Variants in OSBPL2 observed in about 807,000 individuals in gnomAD.
OSBPL2 encodes the protein oxysterol-binding protein-related protein 2.
Under a neutral mutation model 58.4 loss-of-function variants are expected in OSBPL2, and 18 were observed. The observed-to-expected ratio is 0.31, with a 90% CI of 0.21 to 0.46. OSBPL2 has a LOEUF of 0.46. OSBPL2 is among the 20% of genes least tolerant of loss of function. The pLI is 1.00. For missense variants in OSBPL2, 461 were observed against 616.5 expected, an observed-to-expected ratio of 0.75 and a Z score of 2.67; for synonymous variants, 221 against 234.1, an observed-to-expected ratio of 0.94 and a Z score of 0.51.
intron 1 of OSBPL2, among the ~76,000 whole-genome samples, chr20:62,249,505 A>G (rs1980380563): frequency 1.3e-5 from 2 of 152,244 alleles, no homozygotes; most frequent in Non-Finnish European, 2.9e-5. Flanking sequence ...AACTTTCTGT[A>G]TATTCCTCAA....
Position 62,269,657 on chromosome 20 carries a change from C to T in OSBPL2, c.259-2468C>T, listed in dbSNP as rs1015126163. Reference sequence around the variant, plus strand: ...TCTAGTTTACCAGGCGTTTAGAGCACGGGAGGCTGTTGATCCTGGTCTGGA... The same window carrying T: ...TCTAGTTTACCAGGCGTTTAGAGCATGGGAGGCTGTTGATCCTGGTCTGGA... On this transcript the variant is annotated intron_variant, in intron 4 of 13. Coordinates refer to ENST00000313733, the MANE Select transcript of OSBPL2 (RefSeq NM_144498.4). This position sits in a 1 kb window ranked among gnomAD's most constrained non-coding sequence, Gnocchi z 4.2. Among the ~76,000 whole-genome samples the T allele has an allele frequency of 1.4e-4, 22 of 152,316 alleles. No homozygotes were observed. Among genetic ancestry groups the T allele is most frequent in the African/African-American group, 4.6e-4 (19 of 41,568 alleles).
At position 62,272,030 on chromosome 20, in the gene OSBPL2, C is replaced by T. The variant is rs2297594; in HGVS notation, c.259-95C>T. The T allele has an allele frequency of 0.093, 136,055 of 1,455,326 alleles. 7,106 individuals carry two copies. The highest frequency in any genetic ancestry group is 0.21 in the East Asian group (9,099 of 43,648). The allele number at this position is 1,455,326 out of a possible 1,614,324, so 90.2% of individuals were successfully genotyped here. On this transcript the variant is annotated intron_variant, in intron 4 of 13. Transcript: ENST00000313733. The stretch of plus-strand genomic sequence containing the variant: ...AGATCCGGTTCAACCCCAGAGGCTG[C>T]GGCTCCATGAAGGGATGCTCAGAGC...
chr20:62,265,596 C>T (rs569648778), intron 4 of OSBPL2, among the ~76,000 whole-genome samples: 1 of 152,308 alleles, frequency 6.6e-6, no homozygotes, highest in African/African-American at 2.4e-5. Flanking sequence ...GCCCTCTCAG[C>T]AGACAGCACT....
Position 62,263,778 on chromosome 20 carries a change from G to T in OSBPL2, c.258+87G>T, listed in dbSNP as rs774307798. On this transcript the variant is annotated intron_variant, in intron 4 of 13. Transcript: ENST00000313733. ...CAGTGCTGGTGGTTTAAGAAAATGC[G>T]CTCTTGGCCGGGCGCGGTGGCTCAC... is the stretch of plus-strand genomic sequence containing the variant. 32 of 1,251,552 alleles carry T rather than the reference G, an allele frequency of 2.6e-5. 1 individual carries two copies. The South Asian group carries it at 3.1e-4, about 12-fold the overall frequency. 77.5% of individuals were successfully genotyped at this position (1,251,552 alleles called of 1,614,324 possible).
In OSBPL2 at chr20:62,291,764, G is replaced by C; in HGVS notation, c.1311G>C (p.Arg437=). 6.2e-7 allele frequency: 1 copy of C among 1,613,368 alleles called. No homozygotes were observed. The highest frequency in any genetic ancestry group is 8.5e-7 in the Non-Finnish European group (1 of 1,179,986). The change falls in exon 13 of 14, where the codon CGG becomes CGC. Residue 437 remains arginine (R), a synonymous_variant. Coordinates refer to ENST00000313733, the MANE Select transcript of OSBPL2 (RefSeq NM_144498.4). ...EEKQREARRE[R]AKEEAEWQTR... Reference sequence around the variant, plus strand: ...AGCAGAGAGAAGCACGGAGGGAGCGGGCCAAGGAGGAGGCAGAGTGGCAGA... The same window carrying C: ...AGCAGAGAGAAGCACGGAGGGAGCGCGCCAAGGAGGAGGCAGAGTGGCAGA...
At chr20:62,277,003 C>G (rs143555293) in intron 6 of OSBPL2, among the ~76,000 whole-genome samples, 2,747 of 151,464 alleles carry the variant, frequency 0.018, 41 homozygotes, top group Middle Eastern at 0.031. Flanking sequence ...AATCCCAGCA[C>G]TTTGAGAGGT....
intron 1 of OSBPL2, among the ~76,000 whole-genome samples, chr20:62,246,192 G>T (rs1980102921): frequency 6.6e-6 from 1 of 152,270 alleles, no homozygotes; most frequent in Non-Finnish European, 1.5e-5. Flanking sequence ...GGCAGGGCAT[G>T]GTCCCATGAT....
At position 62,256,325 on chromosome 20, in the gene OSBPL2, G is replaced by A. The variant is rs1298143710; in HGVS notation, c.37+104G>A. On this transcript the variant is annotated intron_variant, in intron 2 of 13. Transcript: ENST00000313733. ...GGGTGTAAAGATGCTCAGTAAAGCA[G>A]TGTGTGGGTGAGCGTTCACGATCCC... 4 of 985,438 alleles carry A rather than the reference G, an allele frequency of 4.1e-6. No homozygotes were observed. The Admixed American group carries it at 9.3e-5, about 23-fold the overall frequency. 61.0% of individuals were successfully genotyped at this position (985,438 alleles called of 1,614,324 possible).
intron 9 of OSBPL2, among the ~76,000 whole-genome samples, chr20:62,283,308 C>A (rs938439251): frequency 4.6e-5 from 7 of 152,166 alleles, no homozygotes; most frequent in African/African-American, 1.7e-4. Context: ...CCCAGTTCCC[C>A]GCGTCTGTGT....
chr20:62,261,959 G>A (rs1412696111), intron 3 of OSBPL2, among the ~76,000 whole-genome samples: 3 of 152,044 alleles, frequency 2.0e-5, no homozygotes, highest in African/African-American at 2.4e-5. Flanking sequence ...GGGTTCCGCC[G>A]TGTTGGCCAG....
chr20:62,255,910 A>G (rs780433130), intron 1 of OSBPL2, 147 bp from the exon 2 acceptor site: 38 of 390,252 alleles, frequency 9.7e-5, no homozygotes, highest in Non-Finnish European at 1.6e-4. Context: ...ACTTTTTGAA[A>G]TTATGTTTGT....
rs561853059 is a variant in OSBPL2 at position 62,244,028 on chromosome 20, A to G, written c.-129+5431A>G. 2.0e-5 allele frequency among the ~76,000 whole-genome samples: 3 copies of G among 152,154 alleles called. No individual in the cohort carries two copies. The East Asian group carries it at 5.8e-4, about 30-fold the overall frequency. On this transcript the variant is annotated intron_variant, in intron 1 of 13. Transcript: ENST00000313733. ...ACAGTGGACCCCATTAGGGCTGCAC[A>G]GGATGAAGATGGGCACGATGGTGAG...
chr20:62,292,459 G>A (rs1188900210), intron 13 of OSBPL2, among the ~76,000 whole-genome samples: 1 of 152,206 alleles, frequency 6.6e-6, no homozygotes, highest in Non-Finnish European at 1.5e-5. Context: ...GGGCTGCGTG[G>A]GCCTCACAGA....
In OSBPL2 at chr20:62,279,427, G is replaced by A. The variant is rs1982634191; in HGVS notation, c.674+88G>A. On this transcript the variant is annotated intron_variant, in intron 7 of 13. Coordinates refer to ENST00000313733, the MANE Select transcript of OSBPL2 (RefSeq NM_144498.4). ...TGTGGAGGGAAAGCTTCCTTCAGGA[G>A]GAAACCCTGTCATTTTTCTCCTGAG... is the stretch of plus-strand genomic sequence containing the variant. 16 of 1,359,154 alleles carry A rather than the reference G, an allele frequency of 1.2e-5. No homozygotes were observed. In the East Asian group the frequency reaches 3.9e-4, roughly 33 times the overall value. The allele number at this position is 1,359,154 out of a possible 1,614,324, so 84.2% of individuals were successfully genotyped here. A position where few individuals can be genotyped will look rare whatever the true frequency, so the allele number is the denominator to read the frequency against.
intron 4 of OSBPL2, among the ~76,000 whole-genome samples, chr20:62,266,366 T>A (rs1316721820): frequency 1.3e-5 from 2 of 152,212 alleles, no homozygotes; most frequent in Non-Finnish European, 2.9e-5. Context: ...CTCTTTTTAC[T>A]ACTTCTCAGC....
chr20:62,264,986 G>T (rs542827177), intron 4 of OSBPL2, among the ~76,000 whole-genome samples: 7 of 152,300 alleles, frequency 4.6e-5, no homozygotes, highest in Non-Finnish European at 8.8e-5. Flanking sequence ...TGTGATAGCC[G>T]CATGTCTTGT....
In OSBPL2 at chr20:62,256,222, G is replaced by A; in HGVS notation, c.37+1G>A. ...GAAGAATTCTTTGATGCCGTCACAG[G>A]TGAGTCAAAAGAGAACCAACTGGGG... On this transcript the variant is annotated splice_donor_variant, in intron 2 of 13. Coordinates refer to ENST00000313733, the MANE Select transcript of OSBPL2 (RefSeq NM_144498.4). LOFTEE classifies it high-confidence loss of function. The A allele has an allele frequency of 6.2e-7, 1 of 1,613,670 alleles. No homozygotes were observed.
In OSBPL2 at chr20:62,288,513, C is replaced by T. The variant is rs1360788940; in HGVS notation, c.1126-694C>T. The stretch of plus-strand genomic sequence containing the variant: ...GGCTGGGAGGCTGTGGGTGCAGAGG[C>T]CGGAGGCTGTGGGTGCAGAGGCTGG... On this transcript the variant is annotated intron_variant, in intron 11 of 13. Coordinates refer to ENST00000313733, the MANE Select transcript of OSBPL2 (RefSeq NM_144498.4). The surrounding 1 kb of genome is among the most constrained non-coding windows in gnomAD (Gnocchi z 4.8). Among the ~76,000 whole-genome samples the T allele has an allele frequency of 1.5e-5, 2 of 137,316 alleles. No homozygotes were observed. The highest frequency in any genetic ancestry group is 3.1e-5 in the Non-Finnish European group (2 of 63,978). 90.1% of individuals were successfully genotyped at this position (137,316 alleles called of 152,430 possible). A position where few individuals can be genotyped will look rare whatever the true frequency, so the allele number is the denominator to read the frequency against.
chr20:62,249,197 G>T (rs916054330), intron 1 of OSBPL2, among the ~76,000 whole-genome samples: 1 of 152,130 alleles, frequency 6.6e-6, no homozygotes, highest in African/African-American at 2.4e-5. Flanking sequence ...GGCGTCCTTG[G>T]GGCCAAGGAA....
Sources: allele counts gnomAD v4.1 joint callset (sites outside exome capture counted in the v4.1 genomes callset), GRCh38; gene constraint gnomAD v4.1.1; non-coding constraint Gnocchi (gnomAD v3.1); transcripts MANE v1.5; gene names NCBI Gene and HGNC (gene_info 2026-07-23, HGNC 2026-07-21).